NFATC3: variants seen among roughly 807,000 people sequenced by gnomAD.
NFATC3 encodes the protein nuclear factor of activated T-cells, cytoplasmic 3.
NFATC3 carries 46 observed loss-of-function variants against 98.6 expected under a neutral mutation model. That is an observed-to-expected ratio of 0.47 (90% CI 0.37 to 0.60). The LOEUF is 0.60. Among genes scored for constraint, NFATC3 ranks in the 20% least tolerant of loss-of-function variants. The probability of loss-of-function intolerance (pLI) is 0.00; values close to 1 mark genes in which losing one functional copy is unlikely to be tolerated. For synonymous variants in NFATC3, 512 were observed against 472.2 expected, an observed-to-expected ratio of 1.08 and a Z score of -1.09; for missense variants, 1,256 against 1,295.5, an observed-to-expected ratio of 0.97 and a Z score of 0.47.
Position 68,157,884 on chromosome 16 carries a change from G to A in NFATC3, c.1417G>A (p.Glu473Lys), listed in dbSNP as rs1307256986. Residue 473 changes from glutamate (E) to lysine (K), a missense_variant, in exon 4 of 10, where the codon GAA becomes AAA. Physicochemically the swap from Glu to Lys is moderately conservative, Grantham distance 56 (BLOSUM62 1). Coordinates refer to ENST00000346183, the MANE Select transcript of NFATC3 (RefSeq NM_173165.3). ...HPVVKLLGYN[E>K]KPINLQMFIG... ...TCCTGATTAGCTCCTGGGCTATAAC[G>A]AAAAGCCAATAAATCTACAAATGTT... 2 of 1,612,938 alleles carry A rather than the reference G, an allele frequency of 1.2e-6. No individual in the cohort carries two copies. The highest frequency in any genetic ancestry group is 1.7e-6 in the Non-Finnish European group (2 of 1,179,476).
chr16:68,224,179 A>G (rs1417310924), intron 9 of NFATC3, among the ~76,000 whole-genome samples: 1 of 149,130 alleles, frequency 6.7e-6, no homozygotes, highest in African/African-American at 2.5e-5. Context: ...GCTCACCAGT[A>G]TTGATTAATC....
chr16:68,177,032 C>CTTTTTTTT (rs548092276), intron 6 of NFATC3, among the ~76,000 whole-genome samples: 12 of 133,108 alleles, frequency 9.0e-5, no homozygotes, highest in Non-Finnish European at 1.1e-4. Flanking sequence ...CTTTTCTTTT[C>CTTTTTTTT]TTTTTTTTTT....
In NFATC3 at chr16:68,160,539, C is replaced by A. The variant is rs538002371; in HGVS notation, c.1601+2471C>A. On this transcript the variant is annotated intron_variant, in intron 4 of 9. Transcript: ENST00000346183. ...AAGTTAATATAAATTTAAATAAAAT[C>A]TTTAAATAAATATAAATTTAAATAA... Among the ~76,000 whole-genome samples the A allele has an allele frequency of 2.6e-5, 4 of 152,050 alleles. No individual in the cohort carries two copies. In the South Asian group the frequency reaches 8.3e-4, roughly 32 times the overall value.
chr16:68,107,671 C>T (rs939983521), intron 1 of NFATC3, among the ~76,000 whole-genome samples: 5 of 151,852 alleles, frequency 3.3e-5, no homozygotes, highest in Admixed American at 6.6e-5. Context: ...TGCAGTGAGC[C>T]GAGATCATGC....
intron 3 of NFATC3, among the ~76,000 whole-genome samples, chr16:68,152,860 CAG>C (rs2038410664): frequency 1.3e-5 from 2 of 152,158 alleles, no homozygotes; most frequent in Admixed American, 1.3e-4. Flanking sequence ...GTTACAGTGA[CAG>C]AGTTGAGTAA....
chr16:68,184,770 C>G (rs948515796), intron 8 of NFATC3, among the ~76,000 whole-genome samples: 5 of 151,960 alleles, frequency 3.3e-5, no homozygotes, highest in Non-Finnish European at 7.4e-5. Context: ...CGCCACTGCA[C>G]TCCAGCCTGG....
chr16:68,227,322 G>C lies in NFATC3; in HGVS notation c.*851G>C, dbSNP rs2042058816. On this transcript the variant is annotated 3_prime_UTR_variant, in exon 10 of 10. Transcript: ENST00000346183. ...ATCATAAAAACTAGTAGGCTGTGGA[G>C]TGCGCTTCCTGTTTGTGTCATCTGG... 6.6e-6 allele frequency: 1 copy of C among 152,170 alleles called. No individual in the cohort carries two copies. Among genetic ancestry groups the C allele is most frequent in the Admixed American group, 6.6e-5 (1 of 15,258 alleles). 9.4% of individuals were successfully genotyped at this position (152,170 alleles called of 1,614,324 possible).
intron 1 of NFATC3, among the ~76,000 whole-genome samples, chr16:68,107,739 AATAAT>A (rs1334417873): frequency 6.6e-6 from 1 of 151,404 alleles, no homozygotes; most frequent in Non-Finnish European, 1.5e-5. Flanking sequence ...ATATAATAAT[AATAAT>A]AATAATAATT....
At position 68,191,552 on chromosome 16, in the gene NFATC3, A is replaced by G. The variant is rs762550876; in HGVS notation, c.2883A>G (p.Ser961=). The G allele has an allele frequency of 6.2e-7, 1 of 1,614,136 alleles. No homozygotes were observed. The highest frequency in any genetic ancestry group is 8.5e-7 in the Non-Finnish European group (1 of 1,180,030). ...AATCTCCTAGCTCAGGAACTGCCTC[A>G]TCACCGTCTCCAGCCACCAGAATGC... The part of the protein sequence containing the change: ...PYQSPSSGTA[S]SPSPATRMHS... Residue 961 remains serine (S), a synonymous_variant, in exon 9 of 10, where the codon TCA becomes TCG. Transcript: ENST00000346183.
intron 9 of NFATC3, among the ~76,000 whole-genome samples, chr16:68,194,973 C>T (rs2040598877): frequency 6.6e-6 from 1 of 152,054 alleles, no homozygotes; most frequent in Non-Finnish European, 1.5e-5. Flanking sequence ...AAGAAAGGAG[C>T]CAGGTGCCGT....
chr16:68,103,994 G>A (rs903402023), intron 1 of NFATC3, among the ~76,000 whole-genome samples: 2 of 152,012 alleles, frequency 1.3e-5, no homozygotes, highest in Non-Finnish European at 2.9e-5. Context: ...TTCTTTTTCA[G>A]TGTTATTTTG....
At chr16:68,216,500 G>T (rs746974979) in intron 9 of NFATC3, among the ~76,000 whole-genome samples, 3 of 151,902 alleles carry the variant, frequency 2.0e-5, no homozygotes, top group Non-Finnish European at 4.4e-5. Flanking sequence ...TTGTTATGAC[G>T]TTGATTATAG....
chr16:68,227,196 A>G lies in NFATC3; in HGVS notation c.*725A>G, dbSNP rs1865578809. Reference sequence around the variant, plus strand: ...CTTGCAATCTCTCCATACTGGCTCCATGTTGAAATTGCTTTTTCCCTCAGG... The same window carrying G: ...CTTGCAATCTCTCCATACTGGCTCCGTGTTGAAATTGCTTTTTCCCTCAGG... On this transcript the variant is annotated 3_prime_UTR_variant, in exon 10 of 10. Transcript: ENST00000346183. 6.6e-6 allele frequency: 1 copy of G among 152,188 alleles called. No individual in the cohort carries two copies. Among genetic ancestry groups the G allele is most frequent in the South Asian group, 2.1e-4 (1 of 4,832 alleles). 9.4% of individuals were successfully genotyped at this position (152,188 alleles called of 1,614,324 possible).
chr16:68,197,668 A>G (rs1023141155), intron 9 of NFATC3, among the ~76,000 whole-genome samples: 5 of 152,236 alleles, frequency 3.3e-5, no homozygotes, highest in East Asian at 1.9e-4. Flanking sequence ...CCGAAGCTCA[A>G]TTTGTTTTAA....
At chr16:68,157,151 GAAAA>G (rs202215746) in intron 3 of NFATC3, among the ~76,000 whole-genome samples, 1 of 139,936 alleles carries the variant, frequency 7.1e-6, no homozygotes, top group Non-Finnish European at 1.6e-5. Flanking sequence ...CAATATAAAA[GAAAA>G]AAAAAAAGGC....
At chr16:68,110,340 G>A (rs531881642) in intron 1 of NFATC3, among the ~76,000 whole-genome samples, 3 of 132,702 alleles carry the variant, frequency 2.3e-5, no homozygotes, top group African/African-American at 5.7e-5. Context: ...ACGAAGTCTC[G>A]CTCTGTTGCC....
At chr16:68,172,293 A>G (rs1303654437) in intron 5 of NFATC3, among the ~76,000 whole-genome samples, 1 of 152,210 alleles carries the variant, frequency 6.6e-6, no homozygotes, top group Non-Finnish European at 1.5e-5. Flanking sequence ...AAATTTCCTT[A>G]AAATACTCTG....
At chr16:68,135,870 C>G (rs1242518869) in intron 3 of NFATC3, among the ~76,000 whole-genome samples, 1 of 152,002 alleles carries the variant, frequency 6.6e-6, no homozygotes, top group Non-Finnish European at 1.5e-5. Context: ...CGAGACCAGC[C>G]TGGGCAACAC....
intron 1 of NFATC3, among the ~76,000 whole-genome samples, chr16:68,104,866 G>A (rs184802561): frequency 6.6e-6 from 1 of 152,054 alleles, no homozygotes; most frequent in Non-Finnish European, 1.5e-5. Context: ...ATGTTAGCCA[G>A]GATGGTCTTG....
Sources: allele counts gnomAD v4.1 joint callset (sites outside exome capture counted in the v4.1 genomes callset), GRCh38; gene constraint gnomAD v4.1.1; transcripts MANE v1.5; gene names NCBI Gene and HGNC (gene_info 2026-07-23, HGNC 2026-07-21).